Variants in SGCZ observed in about 807,000 individuals in gnomAD.
The protein encoded by SGCZ is zeta-sarcoglycan.
SGCZ carries 40 observed loss-of-function variants against 41.3 expected under a neutral mutation model. That is an observed-to-expected ratio of 0.97 (90% CI 0.75 to 1.26). The LOEUF (loss-of-function observed/expected upper bound fraction) is 1.26. Among genes scored for constraint, SGCZ ranks in the 50% most tolerant of loss-of-function variants. The pLI is 0.00. For missense variants in SGCZ, 552 were observed against 369.8 expected (o/e 1.49, Z -4.04); for synonymous variants, 206 against 137.5 (o/e 1.50, Z -3.49).
chr8:14,263,642 C>T (rs920744894), intron 3 of SGCZ, among the ~76,000 whole-genome samples: 2 of 152,124 alleles, frequency 1.3e-5, no homozygotes, highest in African/African-American at 2.4e-5. Context: ...AAATAAGACC[C>T]TCCAGTGATC....
intron 1 of SGCZ, among the ~76,000 whole-genome samples, chr8:15,044,042 C>G (rs1415673453): frequency 6.6e-6 from 1 of 152,096 alleles, no homozygotes; most frequent in Non-Finnish European, 1.5e-5. Context: ...CCATGCTTTC[C>G]TGCAAAATAA....
chr8:14,515,689 T>C (rs534456554), intron 2 of SGCZ, among the ~76,000 whole-genome samples: 215 of 152,262 alleles, frequency 1.4e-3, no homozygotes, highest in African/African-American at 4.9e-3. Context: ...GAGACCTGTG[T>C]CGTGCTTTAA....
At chr8:14,470,162 G>A (rs565083054) in intron 2 of SGCZ, among the ~76,000 whole-genome samples, 12 of 152,112 alleles carry the variant, frequency 7.9e-5, no homozygotes, top group African/African-American at 1.4e-4. Flanking sequence ...GACAACTGGT[G>A]TCCACTACTT....
At chr8:15,230,054 C>CA (rs1484275892) in intron 1 of SGCZ, among the ~76,000 whole-genome samples, 1 of 151,942 alleles carries the variant, frequency 6.6e-6, no homozygotes, top group Non-Finnish European at 1.5e-5. Context: ...TGAAGTAAAC[C>CA]GGAATGTGCA....
chr8:14,779,202 G>A (rs1800506557), intron 1 of SGCZ, among the ~76,000 whole-genome samples: 2 of 152,202 alleles, frequency 1.3e-5, no homozygotes, highest in Admixed American at 1.3e-4. Context: ...AATAGATTAT[G>A]GCTGAAGTGA....
At chr8:15,211,239 T>C (rs1801228889) in intron 1 of SGCZ, among the ~76,000 whole-genome samples, 1 of 151,754 alleles carries the variant, frequency 6.6e-6, no homozygotes, top group Non-Finnish European at 1.5e-5. Context: ...TTCAAGTTTG[T>C]CTTATCCTTG....
In SGCZ at chr8:14,348,289, T is replaced by C. The variant is rs540236017; in HGVS notation, c.235-24085A>G. On this transcript the variant is annotated intron_variant, in intron 2 of 7. Transcript: ENST00000382080. ...ACACCAAAAATTTGAGATGGTTTCT[T>C]TGCAGCTTGAATCCAGACATCTCCC... 3.3e-5 allele frequency among the ~76,000 whole-genome samples: 5 copies of C among 152,218 alleles called. No individual in the cohort carries two copies. The South Asian group carries it at 6.2e-4, about 19-fold the overall frequency.
chr8:14,769,343 T>A (rs3860044), intron 1 of SGCZ, among the ~76,000 whole-genome samples: 18,527 of 152,080 alleles, frequency 0.12, 1,763 homozygotes, highest in African/African-American at 0.26. Flanking sequence ...GGGGGAAAAA[T>A]TTGTTCATAA....
At chr8:14,278,428 T>C (rs556982307) in intron 3 of SGCZ, among the ~76,000 whole-genome samples, 1 of 152,206 alleles carries the variant, frequency 6.6e-6, no homozygotes, top group African/African-American at 2.4e-5. Flanking sequence ...TCCAAATAAT[T>C]TAGTCAAATT....
chr8:14,149,303 TG>T (rs1351074044), intron 5 of SGCZ, among the ~76,000 whole-genome samples: 2 of 152,038 alleles, frequency 1.3e-5, no homozygotes, highest in African/African-American at 4.8e-5. Flanking sequence ...CCCCCCAAAA[TG>T]ATTAGAACTG....
chr8:15,024,867 C>A (rs1198992284), intron 1 of SGCZ, among the ~76,000 whole-genome samples: 2 of 151,926 alleles, frequency 1.3e-5, no homozygotes, highest in African/African-American at 4.8e-5. Context: ...ACCCCGGAGG[C>A]GGAGCTTGCA....
chr8:15,108,429 T>C (rs867143309), intron 1 of SGCZ, among the ~76,000 whole-genome samples: 1 of 152,162 alleles, frequency 6.6e-6, no homozygotes, highest in Non-Finnish European at 1.5e-5. Context: ...ATTTGTTGCA[T>C]AGGAATTGGA....
chr8:14,824,347 C>G (rs1027574890), intron 1 of SGCZ, among the ~76,000 whole-genome samples: 3 of 152,046 alleles, frequency 2.0e-5, no homozygotes, highest in African/African-American at 4.8e-5. Context: ...ATCAAAGAAT[C>G]AAATTATACT....
chr8:14,666,881 C>T (rs1807927921), intron 1 of SGCZ, among the ~76,000 whole-genome samples: 1 of 151,744 alleles, frequency 6.6e-6, no homozygotes, highest in Non-Finnish European at 1.5e-5. Flanking sequence ...TTTTAACGTC[C>T]ATTAGGTACT....
chr8:14,781,183 A>G (rs1800577058), intron 1 of SGCZ, among the ~76,000 whole-genome samples: 1 of 152,106 alleles, frequency 6.6e-6, no homozygotes, highest in African/African-American at 2.4e-5. Context: ...TCTACCCCCA[A>G]AGAAATTCAA....
chr8:14,734,150 G>A (rs1481852925), intron 1 of SGCZ, among the ~76,000 whole-genome samples: 1 of 152,148 alleles, frequency 6.6e-6, no homozygotes, highest in East Asian at 1.9e-4. Context: ...CATATATTTA[G>A]GAACTAGAAC....
chr8:14,230,226 C>A (rs1042361110), intron 4 of SGCZ, among the ~76,000 whole-genome samples: 1 of 151,972 alleles, frequency 6.6e-6, no homozygotes, highest in Non-Finnish European at 1.5e-5. Flanking sequence ...AGAAAAGAGT[C>A]GTGGAGACAA....
chr8:14,265,706 T>C (rs1016435286), intron 3 of SGCZ, among the ~76,000 whole-genome samples: 51 of 150,844 alleles, frequency 3.4e-4, no homozygotes, highest in African/African-American at 1.0e-3. Flanking sequence ...AAACTCAACA[T>C]GGTCCAAGAA....
At chr8:14,776,741 C>T (rs1800415060) in intron 1 of SGCZ, among the ~76,000 whole-genome samples, 1 of 152,020 alleles carries the variant, frequency 6.6e-6, no homozygotes, top group African/African-American at 2.4e-5. Context: ...GACCCGCCCA[C>T]CTGGGCCTCC....
Sources: allele counts gnomAD v4.1 joint callset (sites outside exome capture counted in the v4.1 genomes callset), GRCh38; gene constraint gnomAD v4.1.1; transcripts MANE v1.5; gene names NCBI Gene and HGNC (gene_info 2026-07-23, HGNC 2026-07-21).